SLC25A42: variants seen among roughly 807,000 people sequenced by gnomAD.
SLC25A42 encodes solute carrier family 25 member 42.
In SLC25A42, 19 loss-of-function variants were observed where a neutral mutation model predicts 34.7. The observed-to-expected ratio is 0.55, with a 90% CI of 0.38 to 0.80. The LOEUF is 0.80. Among genes scored for constraint, SLC25A42 ranks in the 30% least tolerant of loss-of-function variants. The pLI, the probability that SLC25A42 is intolerant of heterozygous loss-of-function variation, is 0.00. For missense variants in SLC25A42, 364 were observed against 441.3 expected, an observed-to-expected ratio of 0.82 and a Z score of 1.57; for synonymous variants, 205 against 191.2, an observed-to-expected ratio of 1.07 and a Z score of -0.59.
At chr19:19,079,439 A>G (rs1421684302) in intron 1 of SLC25A42, among the ~76,000 whole-genome samples, 1 of 152,012 alleles carries the variant, frequency 6.6e-6, no homozygotes, top group African/African-American at 2.4e-5. Flanking sequence ...CCCAGCCCCT[A>G]GCAACCACCA....
At chr19:19,097,247 C>A (rs1036408000) in intron 2 of SLC25A42, among the ~76,000 whole-genome samples, 30 of 152,208 alleles carry the variant, frequency 2.0e-4, no homozygotes, top group African/African-American at 7.2e-4. Context: ...GCTGAGGTGG[C>A]GTCATCTTCC....
At chr19:19,110,491 T>C in intron 7 of SLC25A42, 78 bp from the exon 8 acceptor site, 1 of 1,271,722 alleles carries the variant, frequency 7.9e-7, no homozygotes, top group Non-Finnish European at 1.0e-6. Context: ...CTCCTAGGGG[T>C]GCAAAGGCGC....
chr19:19,108,177 AC>A, intron 7 of SLC25A42, 132 bp downstream of exon 7: 2 of 973,612 alleles, frequency 2.1e-6, no homozygotes, highest in Non-Finnish European at 2.9e-6. Context: ...CAGGCTGTAG[AC>A]CCACATCCAA....
intron 2 of SLC25A42, among the ~76,000 whole-genome samples, chr19:19,100,265 C>A (rs957024327): frequency 1.3e-5 from 2 of 152,006 alleles, no homozygotes; most frequent in Admixed American, 1.3e-4. Flanking sequence ...TCGCTTGAAC[C>A]CGAGAGGCAA....
At chr19:19,087,981 G>A (rs975679815) in intron 1 of SLC25A42, among the ~76,000 whole-genome samples, 31 of 152,142 alleles carry the variant, frequency 2.0e-4, no homozygotes, top group Admixed American at 3.3e-4. Flanking sequence ...GTTGGAAGGG[G>A]GGCCAGTGTT....
chr19:19,088,041 GTGGT>G (rs2059717189), intron 1 of SLC25A42, among the ~76,000 whole-genome samples: 1 of 152,148 alleles, frequency 6.6e-6, no homozygotes, highest in South Asian at 2.1e-4. Context: ...GCAGAGGTTG[GTGGT>G]TGGTTTCCGG....
In SLC25A42 at chr19:19,098,964, A is replaced by C. The variant is rs367951045; in HGVS notation, c.81+2759A>C. Among the ~76,000 whole-genome samples the C allele has an allele frequency of 3.9e-5, 6 of 152,316 alleles. No individual in the cohort carries two copies. The East Asian group carries it at 1.2e-3, about 29-fold the overall frequency. Reference sequence around the variant, plus strand: ...ACAAACTGATAGGAGGTAACCACCGAATGGAGGAGGTGGAAGAACTCTGTC... The same window carrying C: ...ACAAACTGATAGGAGGTAACCACCGCATGGAGGAGGTGGAAGAACTCTGTC... On this transcript the variant is annotated intron_variant, in intron 2 of 7. Transcript: ENST00000318596.
rs772204985 is a variant in SLC25A42 at position 19,106,286 on chromosome 19, C to T, written c.398C>T (p.Pro133Leu). ...GFRGEALPPW[P>L]RLFAGALAGT... ...CTGTTCAGAGCCCTGCCCCCTTGGCCTCGCCTCTTCGCCGGCGCACTGGCT... is the reference window on the plus strand; with the variant it reads ...CTGTTCAGAGCCCTGCCCCCTTGGCTTCGCCTCTTCGCCGGCGCACTGGCT... Residue 133 changes from proline (P) to leucine (L), a missense_variant, in exon 6 of 8, where the codon CCT (proline) becomes CTT (leucine). By Grantham distance (98) the Pro-to-Leu change is moderately conservative (BLOSUM62 -3). Coordinates refer to ENST00000318596, the MANE Select transcript of SLC25A42 (RefSeq NM_178526.5). 1.2e-6 allele frequency: 2 copies of T among 1,612,514 alleles called. No individual in the cohort carries two copies. Among genetic ancestry groups the T allele is most frequent in the Non-Finnish European group, 1.7e-6 (2 of 1,179,946 alleles).
chr19:19,107,807 G>GCTTCGGGAGGAGCCGAGAGCC, intron 6 of SLC25A42, 87 bp from the exon 7 acceptor site: 2 of 1,452,468 alleles, frequency 1.4e-6, no homozygotes, highest in Non-Finnish European at 1.9e-6. Context: ...GGCCCAGCCG[G>GCTTCGGGAGGAGCCGAGAGCC]CTTCGGGAGG....
chr19:19,095,224 A>C (rs542468089), intron 1 of SLC25A42, among the ~76,000 whole-genome samples: 3 of 149,988 alleles, frequency 2.0e-5, no homozygotes, highest in African/African-American at 7.3e-5. Flanking sequence ...ACAAAAAAAA[A>C]CACCCTTAGC....
intron 1 of SLC25A42, among the ~76,000 whole-genome samples, chr19:19,072,112 C>A (rs552432711): frequency 6.6e-6 from 1 of 152,122 alleles, no homozygotes; most frequent in African/African-American, 2.4e-5. Context: ...CCCAGCCTCC[C>A]AAAGTATTGG....
At chr19:19,083,524 T>C (rs973509064) in intron 1 of SLC25A42, among the ~76,000 whole-genome samples, 2 of 152,192 alleles carry the variant, frequency 1.3e-5, no homozygotes, top group Admixed American at 6.5e-5. Context: ...ATCTCCAGCC[T>C]CGGCTCTCTG....
chr19:19,075,359 T>A (rs1012160071), intron 1 of SLC25A42, among the ~76,000 whole-genome samples: 27 of 152,212 alleles, frequency 1.8e-4, no homozygotes, highest in Admixed American at 1.8e-3. Flanking sequence ...CGCCGAGCTT[T>A]GTTTTTTGTT....
chr19:19,105,715 G>A lies in SLC25A42; in HGVS notation c.368G>A (p.Gly123Asp). The change falls in exon 5 of 8, where the codon GGC (glycine) becomes GAC (aspartate). Residue 123 changes from glycine to aspartate, a missense_variant. Coordinates refer to ENST00000318596, the MANE Select transcript of SLC25A42 (RefSeq NM_178526.5). ...AAGCGCATCCTGGGCAGCTACTATG[G>A]CTTCCGTGGAGAGTGAGGCCCCGCC... ...EYKRILGSYY[G>D]FRGEALPPWP... 6.3e-7 allele frequency: 1 copy of A among 1,585,378 alleles called. No individual in the cohort carries two copies. Among genetic ancestry groups the A allele is most frequent in the Non-Finnish European group, 8.6e-7 (1 of 1,163,402 alleles).
chr19:19,079,135 A>C (rs565774732), intron 1 of SLC25A42, among the ~76,000 whole-genome samples: 1 of 151,678 alleles, frequency 6.6e-6, no homozygotes, highest in East Asian at 1.9e-4. Flanking sequence ...GGCTCACTGC[A>C]ACCTCCACCT....
intron 1 of SLC25A42, among the ~76,000 whole-genome samples, chr19:19,084,119 T>C (rs1401660702): frequency 3.5e-5 from 5 of 143,570 alleles, no homozygotes; most frequent in African/African-American, 5.2e-5. Context: ...CACCTGCCCA[T>C]ACCCCACCAC....
intron 1 of SLC25A42, among the ~76,000 whole-genome samples, chr19:19,086,184 AGGCTG>A (rs2059707668): frequency 6.6e-6 from 1 of 152,208 alleles, no homozygotes; most frequent in South Asian, 2.1e-4. Context: ...TCTGTCACAC[AGGCTG>A]GAGTGCAGTG....
At chr19:19,077,855 C>T (rs536601496) in intron 1 of SLC25A42, among the ~76,000 whole-genome samples, 161 of 152,250 alleles carry the variant, frequency 1.1e-3, no homozygotes, top group African/African-American at 3.7e-3. Flanking sequence ...CCATTGCACT[C>T]CAGCCTGGGC....
intron 6 of SLC25A42, 104 bp from the exon 7 acceptor site, chr19:19,107,790 A>C (rs2059840083): frequency 1.8e-6 from 2 of 1,138,902 alleles, no homozygotes; most frequent in Non-Finnish European, 2.6e-6. Context: ...ACATCCAGAC[A>C]CACCCAGGCC....
Sources: gnomAD v4.1 joint callset for allele counts (sites outside exome capture counted in the v4.1 genomes callset) on GRCh38, gnomAD v4.1.1 for gene constraint, MANE v1.5 for transcripts, NCBI Gene and HGNC (gene_info 2026-07-23, HGNC 2026-07-21) for gene names.